The following RAB8B variants were observed in gnomAD, a reference collection of about 807,000 sequenced individuals.
The protein encoded by RAB8B is RAB8B, member RAS oncogene family.
A neutral mutation model predicts 32.0 loss-of-function variants in RAB8B; 11 were observed. That is an observed-to-expected ratio of 0.34 (90% CI 0.22 to 0.57). RAB8B has a LOEUF of 0.57. RAB8B is among the 20% of genes least tolerant of loss of function. The pLI, the probability that RAB8B is intolerant of heterozygous loss-of-function variation, is 0.86. For synonymous variants in RAB8B, 103 were observed against 89.6 expected, an observed-to-expected ratio of 1.15 and a Z score of -0.85; for missense variants, 190 against 258.5, an observed-to-expected ratio of 0.73 and a Z score of 1.82.
intron 1 of RAB8B, among the ~76,000 whole-genome samples, chr15:63,232,226 A>G (rs2037941642): frequency 6.6e-6 from 1 of 152,208 alleles, no homozygotes. Context: ...ATCATTTGAT[A>G]TATAGTTATT....
intron 4 of RAB8B, among the ~76,000 whole-genome samples, 184 bp downstream of exon 4, chr15:63,255,768 C>T (rs2038154368): frequency 6.6e-6 from 1 of 152,160 alleles, no homozygotes; most frequent in African/African-American, 2.4e-5. Flanking sequence ...GTTAGGGGGA[C>T]AGAGAAGTAA....
chr15:63,240,174 A>G (rs2038020417), intron 1 of RAB8B, among the ~76,000 whole-genome samples: 1 of 152,192 alleles, frequency 6.6e-6, no homozygotes. Flanking sequence ...CTTCTTAAAT[A>G]GTGCAGTGAC....
intron 2 of RAB8B, among the ~76,000 whole-genome samples, chr15:63,246,799 G>A (rs976591101): frequency 2.0e-5 from 3 of 152,170 alleles, no homozygotes; most frequent in Non-Finnish European, 4.4e-5. Flanking sequence ...CTTATCACTT[G>A]GTTGGTTCTC....
chr15:63,261,076 G>A (rs749619859), intron 6 of RAB8B, among the ~76,000 whole-genome samples: 1 of 152,030 alleles, frequency 6.6e-6, no homozygotes, highest in African/African-American at 2.4e-5. Context: ...AGGATTTCCC[G>A]CCATCAGAAA....
intron 1 of RAB8B, among the ~76,000 whole-genome samples, chr15:63,237,004 T>C (rs1460811600): frequency 6.6e-6 from 1 of 152,208 alleles, no homozygotes; most frequent in East Asian, 1.9e-4. Flanking sequence ...GCGAAGTTTG[T>C]CTTTCTGTAC....
At chr15:63,214,763 GA>G (rs1567011603) in intron 1 of RAB8B, among the ~76,000 whole-genome samples, 13 of 152,238 alleles carry the variant, frequency 8.5e-5, no homozygotes, top group African/African-American at 3.1e-4. Flanking sequence ...TGTGGGGGTT[GA>G]AACCTGCTTC....
chr15:63,232,449 A>G (rs2037943046), intron 1 of RAB8B, among the ~76,000 whole-genome samples: 1 of 152,188 alleles, frequency 6.6e-6, no homozygotes, highest in African/African-American at 2.4e-5. Context: ...TGAGTTTGTT[A>G]TATTTTGTTG....
At chr15:63,233,674 C>G (rs1323419354) in intron 1 of RAB8B, among the ~76,000 whole-genome samples, 1 of 152,174 alleles carries the variant, frequency 6.6e-6, no homozygotes, top group East Asian at 1.9e-4. Context: ...TTAAAGTAGA[C>G]TTCAATATTT....
chr15:63,235,946 T>G (rs2037975548), intron 1 of RAB8B, among the ~76,000 whole-genome samples: 1 of 152,328 alleles, frequency 6.6e-6, no homozygotes, highest in East Asian at 1.9e-4. Context: ...AGAGGAAGTT[T>G]CCCCACCAAG....
In RAB8B at chr15:63,263,552, G is replaced by A. The variant is rs1213750386; in HGVS notation, c.557G>A (p.Gly186Asp). 5 of 1,612,240 alleles carry A rather than the reference G, an allele frequency of 3.1e-6. No homozygotes were observed. In the African/African-American group the frequency reaches 6.7e-5, roughly 22 times the overall value. ...AATGACAGCAATTCAGCAGGAGCAGGTGGACCAGTGAAAATAACAGAAAAC... is the reference window on the plus strand; with the variant it reads ...AATGACAGCAATTCAGCAGGAGCAGATGGACCAGTGAAAATAACAGAAAAC... ...KMNDSNSAGA[G>D]GPVKITENRS... Residue 186 changes from glycine to aspartate, a missense_variant, in exon 8 of 8, where the codon GGT (glycine) becomes GAT (aspartate). Around this residue, in one of 2 missense-constraint regions of RAB8B, gnomAD observed 110 missense variants for 115.9 expected, o/e 0.95. Transcript: ENST00000321437.
intron 1 of RAB8B, among the ~76,000 whole-genome samples, chr15:63,207,032 AC>A (rs2037703947): frequency 6.6e-6 from 1 of 151,724 alleles, no homozygotes; most frequent in African/African-American, 2.4e-5. Flanking sequence ...CATACTTCCT[AC>A]TCTTCTAACC....
intron 1 of RAB8B, among the ~76,000 whole-genome samples, chr15:63,194,165 A>G (rs556959620): frequency 3.9e-5 from 6 of 152,202 alleles, no homozygotes; most frequent in Admixed American, 6.5e-5. Context: ...AGTCTTAGAT[A>G]TTATCTACTT....
intron 1 of RAB8B, among the ~76,000 whole-genome samples, chr15:63,190,831 T>A (rs1170343076): frequency 6.6e-6 from 1 of 152,214 alleles, no homozygotes; most frequent in African/African-American, 2.4e-5. Context: ...TCTACCTGCC[T>A]CCCTGTATAT....
At chr15:63,205,040 G>C (rs2141112139) in intron 1 of RAB8B, among the ~76,000 whole-genome samples, 1 of 151,484 alleles carries the variant, frequency 6.6e-6, no homozygotes, top group Non-Finnish European at 1.5e-5. Context: ...GCTCATGCCT[G>C]TATTCCCAGC....
At chr15:63,232,876 A>C (rs889991102) in intron 1 of RAB8B, among the ~76,000 whole-genome samples, 4 of 152,280 alleles carry the variant, frequency 2.6e-5, no homozygotes, top group African/African-American at 9.6e-5. Flanking sequence ...CCTAAACTTT[A>C]GACTTCCTAA....
chr15:63,256,965 A>C (rs561959886), intron 5 of RAB8B, among the ~76,000 whole-genome samples: 1 of 152,340 alleles, frequency 6.6e-6, no homozygotes, highest in Admixed American at 6.5e-5. Flanking sequence ...GGATAGGTGA[A>C]GTTTCAACAG....
intron 3 of RAB8B, among the ~76,000 whole-genome samples, chr15:63,252,692 C>T (rs1055320587): frequency 6.6e-6 from 1 of 151,496 alleles, no homozygotes; most frequent in Non-Finnish European, 1.5e-5. Context: ...GTAAAATATA[C>T]ATAATAGAAC....
chr15:63,228,039 T>C (rs1318025650), intron 1 of RAB8B, among the ~76,000 whole-genome samples: 1 of 152,096 alleles, frequency 6.6e-6, no homozygotes, highest in African/African-American at 2.4e-5. Flanking sequence ...GGTCTCACTT[T>C]GTCACCCACG....
chr15:63,220,027 C>A (rs1002905835), intron 1 of RAB8B, among the ~76,000 whole-genome samples: 2 of 152,204 alleles, frequency 1.3e-5, no homozygotes, highest in Non-Finnish European at 2.9e-5. Flanking sequence ...GTTAAGAAAA[C>A]TATGGTTTCT....
Sources: allele counts gnomAD v4.1 joint callset (sites outside exome capture counted in the v4.1 genomes callset), GRCh38; gene constraint gnomAD v4.1.1; regional missense constraint gnomAD v4.1.1; transcripts MANE v1.5; gene names NCBI Gene and HGNC (gene_info 2026-07-23, HGNC 2026-07-21).